Variants in PTBP3 observed in about 807,000 individuals in gnomAD.
The protein encoded by PTBP3 is polypyrimidine tract binding protein 3.
A neutral mutation model predicts 58.7 loss-of-function variants in PTBP3; 20 were observed. The ratio of observed to expected loss-of-function variants is 0.34; its 90% confidence interval spans 0.24 to 0.50. The LOEUF is 0.50. Ranked by LOEUF, PTBP3 falls within the 20% of genes least tolerant of loss-of-function variation. The pLI, the probability that PTBP3 is intolerant of heterozygous loss-of-function variation, is 0.98. For synonymous variants in PTBP3, 185 were observed against 219.8 expected (o/e 0.84, Z 1.40); for missense variants, 509 against 637.2 (o/e 0.80, Z 2.17).
Position 112,218,913 on chromosome 9 carries a change from A to G in PTBP3, c.*4938T>C, listed in dbSNP as rs1418867981. ...TGAAAAGGGGAATTTTGATGAACAGACCACGTAAAACACCAGACAATGTCA... is the reference window on the plus strand; with the variant it reads ...TGAAAAGGGGAATTTTGATGAACAGGCCACGTAAAACACCAGACAATGTCA... On this transcript the variant is annotated 3_prime_UTR_variant, in exon 14 of 14. Coordinates refer to ENST00000374257, the MANE Select transcript of PTBP3 (RefSeq NM_001163788.4). 2 of 152,414 alleles carry G rather than the reference A, an allele frequency of 1.3e-5. No individual in the cohort carries two copies. The highest frequency in any genetic ancestry group is 2.4e-5 in the African/African-American group (1 of 41,460). 9.4% of individuals were successfully genotyped at this position (152,414 alleles called of 1,614,324 possible).
chr9:112,363,229 TGAATAA>T, the PTBP3 span: 1 of 152,946 alleles, frequency 6.5e-6, no homozygotes, highest in Admixed American at 6.6e-5. Context: ...CATTCTTTTA[TGAATAA>T]GAATATCTAG....
upstream of PTBP3, among the ~76,000 whole-genome samples, chr9:112,335,930 G>C (rs181444701): frequency 5.8e-3 from 877 of 150,360 alleles, 8 homozygotes; most frequent in African/African-American, 0.02. Flanking sequence ...CTGGAGTGCA[G>C]TGGCACAATC....
intron 7 of PTBP3, among the ~76,000 whole-genome samples, chr9:112,244,289 C>CAAAAAAAAAAAAAAAAAAAAAAA (rs56052359): frequency 0.014 from 498 of 36,202 alleles, 112 homozygotes; most frequent in Middle Eastern, 0.045. Flanking sequence ...GACTCTGTCT[C>CAAAAAAAAAAAAAAAAAAAAAAA]AAAAAAAAAA....
chr9:112,276,860 A>C (rs1336835548), intron 2 of PTBP3, among the ~76,000 whole-genome samples: 3 of 152,230 alleles, frequency 2.0e-5, no homozygotes, highest in African/African-American at 7.2e-5. Context: ...AGATTCAGAA[A>C]AGTTTTTCTT....
At chr9:112,226,392 T>C (rs1834991894) in intron 12 of PTBP3, among the ~76,000 whole-genome samples, 1 of 152,164 alleles carries the variant, frequency 6.6e-6, no homozygotes, top group Non-Finnish European at 1.5e-5. Context: ...TTCACCCCTC[T>C]CTATACCCTC....
chr9:112,379,840 C>CAAT, the PTBP3 span: 1 of 507,464 alleles, frequency 2.0e-6, no homozygotes, highest in South Asian at 2.4e-5. Flanking sequence ...GCTGCCCAGA[C>CAAT]GCTAGGCGCC....
At chr9:112,357,868 C>T in the PTBP3 span, among the ~76,000 whole-genome samples, 1 of 152,078 alleles carries the variant, frequency 6.6e-6, no homozygotes, top group Non-Finnish European at 1.5e-5. Flanking sequence ...TTTCCAGAGA[C>T]ATTTTTGGTT....
At chr9:112,375,441 G>C in the PTBP3 span, among the ~76,000 whole-genome samples, 2 of 152,202 alleles carry the variant, frequency 1.3e-5, no homozygotes, top group Non-Finnish European at 2.9e-5. Context: ...GGATGTCCTA[G>C]AAAGGGGCTG....
At chr9:112,298,486 C>T in intron 1 of PTBP3, 1 of 476,872 alleles carries the variant, frequency 2.1e-6, no homozygotes, top group Non-Finnish European at 4.1e-6. Context: ...TCTGAACTGG[C>T]AACACTAAAA....
the PTBP3 span, among the ~76,000 whole-genome samples, chr9:112,360,726 T>C: frequency 2.0e-5 from 3 of 152,090 alleles, no homozygotes; most frequent in African/African-American, 7.2e-5. Context: ...CGACTAACAG[T>C]AGGTTACGAT....
intron 8 of PTBP3, 59 bp from the exon 9 acceptor site, chr9:112,232,297 A>G: frequency 1.4e-6 from 2 of 1,415,192 alleles, no homozygotes; most frequent in Non-Finnish European, 1.9e-6. Flanking sequence ...GTAACACTTG[A>G]TACAATTTAA....
At chr9:112,285,724 C>T (rs1828083396) in intron 2 of PTBP3, among the ~76,000 whole-genome samples, 1 of 152,124 alleles carries the variant, frequency 6.6e-6, no homozygotes, top group Non-Finnish European at 1.5e-5. Flanking sequence ...TTTCGTGTGC[C>T]ATTTAATCTT....
At chr9:112,335,619 T>C (rs1316168462), upstream of PTBP3, among the ~76,000 whole-genome samples, 2 of 77,476 alleles carry the variant, frequency 2.6e-5, no homozygotes, top group African/African-American at 5.3e-5. Context: ...TTTTTTTTTT[T>C]CACCTAAAAA....
At chr9:112,224,821 T>C (rs979325084) in intron 12 of PTBP3, among the ~76,000 whole-genome samples, 4 of 152,196 alleles carry the variant, frequency 2.6e-5, no homozygotes, top group African/African-American at 9.6e-5. Context: ...TCCTGAATCA[T>C]TAGCTTTGGA....
At chr9:112,379,748 C>G in the PTBP3 span, among the ~76,000 whole-genome samples, 5 of 152,378 alleles carry the variant, frequency 3.3e-5, no homozygotes, top group Middle Eastern at 3.4e-3. Flanking sequence ...CAGTCACCCT[C>G]CCAGCTCGGA....
At position 112,223,571 on chromosome 9, in the gene PTBP3, A is replaced by G. The variant is rs1238965611; in HGVS notation, c.*280T>C. ...ATCCTCTTCAAATCTAATTTAATAT[A>G]GGGAATAAGATTATTGAAAAAAAAT... On this transcript the variant is annotated 3_prime_UTR_variant, in exon 14 of 14. Coordinates refer to ENST00000374257, the MANE Select transcript of PTBP3 (RefSeq NM_001163788.4). The G allele has an allele frequency of 2.3e-5, 24 of 1,044,000 alleles. No individual in the cohort carries two copies. Among genetic ancestry groups the G allele is most frequent in the Non-Finnish European group, 2.7e-5 (23 of 846,072 alleles). 64.7% of individuals were successfully genotyped at this position (1,044,000 alleles called of 1,614,324 possible).
At chr9:112,291,758 T>C (rs1029853314) in intron 2 of PTBP3, among the ~76,000 whole-genome samples, 1 of 152,100 alleles carries the variant, frequency 6.6e-6, no homozygotes, top group East Asian at 1.9e-4. Context: ...CCTGAAACTA[T>C]AAAAGACCTA....
chr9:112,224,049 A>G, intron 13 of PTBP3, 66 bp from the exon 14 acceptor site: 2 of 1,562,420 alleles, frequency 1.3e-6, no homozygotes, highest in Non-Finnish European at 1.7e-6. Context: ...TCCTTCCTCC[A>G]CCAGAAGACT....
the PTBP3 span, among the ~76,000 whole-genome samples, chr9:112,354,076 C>A: frequency 1.3e-5 from 2 of 152,244 alleles, no homozygotes; most frequent in Non-Finnish European, 1.5e-5. Flanking sequence ...TTTTATTTTA[C>A]AACTACAACA....
Sources: gnomAD v4.1 joint callset for allele counts (sites outside exome capture counted in the v4.1 genomes callset) on GRCh38, gnomAD v4.1.1 for gene constraint, MANE v1.5 for transcripts, NCBI Gene and HGNC (gene_info 2026-07-23, HGNC 2026-07-21) for gene names.